DNMT1: variants seen among roughly 807,000 people sequenced by gnomAD.
DNMT1 encodes the protein DNA methyltransferase 1.
In DNMT1, 24 loss-of-function variants were observed where a neutral mutation model predicts 205.3. That is an observed-to-expected ratio of 0.12 (90% CI 0.08 to 0.16). The LOEUF is 0.16. Ranked by LOEUF, DNMT1 falls within the 10% of genes least tolerant of loss-of-function variation. The pLI, the probability that DNMT1 is intolerant of heterozygous loss-of-function variation, is 1.00. For synonymous variants in DNMT1, 817 were observed against 839.8 expected (o/e 0.97, Z 0.47); for missense variants, 1,293 against 2,177.7 (o/e 0.59, Z 8.09).
At chr19:10,152,028 G>GGT (rs1233224596) in intron 22 of DNMT1, among the ~76,000 whole-genome samples, 181 bp from the exon 23 acceptor site, 2 of 151,046 alleles carry the variant, frequency 1.3e-5, no homozygotes, top group Admixed American at 1.3e-4. Context: ...GGCATGGTAG[G>GGT]GTGTGCCTGT....
rs1031496422 is a variant in DNMT1, at chr19:10,133,970, G to A, written c.4864+247C>T. ...TTCACCGAGCAGGAGTGAGGGAAAC[G>A]GCCCCAGGGCCAGCCCAGCAGCCAA... On this transcript the variant is annotated intron_variant, in intron 40 of 40. Transcript: ENST00000359526. This position sits in a 1 kb window ranked among gnomAD's most constrained non-coding sequence, Gnocchi z 4.1. Among the ~76,000 whole-genome samples the A allele has an allele frequency of 4.6e-5, 7 of 152,336 alleles. No individual in the cohort carries two copies. Among genetic ancestry groups the A allele is most frequent in the East Asian group, 1.9e-4 (1 of 5,188 alleles).
intron 27 of DNMT1, among the ~76,000 whole-genome samples, chr19:10,147,783 G>T (rs951770456): frequency 6.6e-6 from 1 of 151,916 alleles, no homozygotes; most frequent in African/African-American, 2.4e-5. Context: ...AGTGAGGTAC[G>T]GAGGTTAAAA....
rs1481902524 is a variant in DNMT1, at chr19:10,138,357, C to A, written c.4115+82G>T. 6.2e-7 allele frequency: 1 copy of A among 1,602,850 alleles called. No homozygotes were observed. The highest frequency in any genetic ancestry group is 1.3e-5 in the African/African-American group (1 of 74,824). On this transcript the variant is annotated intron_variant, in intron 35 of 40. Transcript: ENST00000359526. The surrounding 1 kb of genome is among the most constrained non-coding windows in gnomAD (Gnocchi z 4.1). Reference sequence around the variant, plus strand: ...GCTGTACCATCCTCTCCTCCCCAAGCCTCACCAGGGAGTACTCACGGGCCC... The same window carrying A: ...GCTGTACCATCCTCTCCTCCCCAAGACTCACCAGGGAGTACTCACGGGCCC...
chr19:10,135,666 C>T (rs768622918), intron 39 of DNMT1, 70 bp downstream of exon 39: 4 of 1,535,532 alleles, frequency 2.6e-6, no homozygotes, highest in Middle Eastern at 2.1e-4. Flanking sequence ...TGCGCTGGCC[C>T]CAGCCCCACC....
At chr19:10,158,541 T>G (rs1394487026) in intron 17 of DNMT1, among the ~76,000 whole-genome samples, 1 of 152,158 alleles carries the variant, frequency 6.6e-6, no homozygotes, top group Non-Finnish European at 1.5e-5. Context: ...CTGAGGCATT[T>G]CCCACGAAGA....
chr19:10,182,107 A>T, intron 1 of DNMT1, 30 bp from the exon 2 acceptor site: 1 of 1,608,326 alleles, frequency 6.2e-7, no homozygotes, highest in Non-Finnish European at 8.5e-7. Flanking sequence ...GAGAAAATAC[A>T]AACACTTGTT....
Position 10,154,652 on chromosome 19 carries a change from T to C in DNMT1, c.1766A>G (p.Gln589Arg). 6.2e-7 allele frequency: 1 copy of C among 1,614,088 alleles called. No homozygotes were observed. Among genetic ancestry groups the C allele is most frequent in the Non-Finnish European group, 8.5e-7 (1 of 1,179,974 alleles). The change falls in exon 21 of 41, where the codon CAG (glutamine) becomes CGG (arginine). Residue 589 changes from glutamine (Q) to arginine (R), a missense_variant. Physicochemically the swap from Gln to Arg is conservative, Grantham distance 43 (BLOSUM62 1). Coordinates refer to ENST00000359526, the MANE Select transcript of DNMT1 (RefSeq NM_001130823.3). The surrounding 1 kb of genome is among the most constrained non-coding windows in gnomAD (Gnocchi z 6.3). ...SYDEAGDSDE[Q>R]PIFLTPCMRD... ...CATGCAGGGTGTCAGGAAGATGGGC[T>C]GCTCATCACTGTCCCCGGCCTCGTC...
At chr19:10,166,466 T>A in intron 11 of DNMT1, 132 bp downstream of exon 11, 1 of 1,082,768 alleles carries the variant, frequency 9.2e-7, no homozygotes, top group Non-Finnish European at 1.4e-6. Context: ...CTTCCCAGAG[T>A]CTGGATGGCC....
chr19:10,187,142 C>G (rs2039201977), intron 1 of DNMT1, among the ~76,000 whole-genome samples: 1 of 151,704 alleles, frequency 6.6e-6, no homozygotes, highest in African/African-American at 2.4e-5. Flanking sequence ...CCATCTTGTT[C>G]CATAGTTAAC....
intron 11 of DNMT1, among the ~76,000 whole-genome samples, chr19:10,164,137 T>C (rs2038636108): frequency 6.6e-6 from 1 of 152,152 alleles, no homozygotes; most frequent in Admixed American, 6.6e-5. Flanking sequence ...ATATATATGG[T>C]TAATATATAC....
In DNMT1 at chr19:10,194,843, C is replaced by A. The variant is rs1568265798; in HGVS notation, c.57G>T (p.Ser19=). The A allele has an allele frequency of 6.2e-7, 1 of 1,611,568 alleles. No homozygotes were observed. The highest frequency in any genetic ancestry group is 8.5e-7 in the Non-Finnish European group (1 of 1,179,218). Residue 19 remains serine, a synonymous_variant, in exon 1 of 41, where the codon TCG becomes TCT. Coordinates refer to ENST00000359526, the MANE Select transcript of DNMT1 (RefSeq NM_001130823.3). ...ACCGCCTGCGGACATCGTCGGGCAG[C>A]GAGATGGCCGGGACGGCCAGTGTGG... ...RVPTLAVPAI[S]LPDDVRRRLK...
Position 10,162,677 on chromosome 19 carries a change from T to G in DNMT1, c.998A>C (p.Glu333Ala), listed in dbSNP as rs781477930. ...VNPQISDEKD[E>A]DEKEEKRRKT... ...AAGTGAGACCTTTACCTTTTCATCC[T>G]CGTCTTTTTCATCAGAAATCTGTGG... Residue 333 changes from glutamate (E) to alanine (A), a missense_variant, in exon 13 of 41, where the codon GAG becomes GCG. Glu to Ala is a moderately radical substitution (Grantham distance 107, BLOSUM62 -1). Coordinates refer to ENST00000359526, the MANE Select transcript of DNMT1 (RefSeq NM_001130823.3). 1.2e-6 allele frequency: 2 copies of G among 1,610,028 alleles called. No homozygotes were observed. Among genetic ancestry groups the G allele is most frequent in the Non-Finnish European group, 1.7e-6 (2 of 1,177,758 alleles).
intron 1 of DNMT1, among the ~76,000 whole-genome samples, chr19:10,185,598 A>G (rs2039162550): frequency 6.6e-6 from 1 of 151,992 alleles, no homozygotes; most frequent in Admixed American, 6.6e-5. Context: ...AGGCCAAGGC[A>G]GGAGGATCAC....
intron 28 of DNMT1, among the ~76,000 whole-genome samples, chr19:10,145,556 G>C (rs955598598): frequency 6.6e-6 from 1 of 152,200 alleles, no homozygotes; most frequent in African/African-American, 2.4e-5. Context: ...GTGGCTTTAG[G>C]TTTTTCCTGG....
At chr19:10,175,031 G>A (rs1480170706) in intron 7 of DNMT1, among the ~76,000 whole-genome samples, 8 of 139,800 alleles carry the variant, frequency 5.7e-5, no homozygotes, top group African/African-American at 2.1e-4. Context: ...GCAAAACCCT[G>A]TCTCAAAAAA....
In DNMT1 at chr19:10,156,377, G is replaced by A. The variant is rs776500514; in HGVS notation, c.1399+14C>T. 19 of 1,591,078 alleles carry A rather than the reference G, an allele frequency of 1.2e-5. No homozygotes were observed. Among genetic ancestry groups the A allele is most frequent in the Middle Eastern group, 1.7e-4 (1 of 6,018 alleles). ...TAAAGTGTGCCCCAAACATAATCCC[G>A]GACTATTCCTTACCTTCAAGAGATG... On this transcript the variant is annotated intron_variant, in intron 18 of 40. Transcript: ENST00000359526. This position sits in a 1 kb window ranked among gnomAD's most constrained non-coding sequence, Gnocchi z 4.2.
At chr19:10,183,738 G>A (rs535652290) in intron 1 of DNMT1, among the ~76,000 whole-genome samples, 8 of 152,128 alleles carry the variant, frequency 5.3e-5, no homozygotes, top group South Asian at 4.2e-4. Flanking sequence ...TTAGCCAGGC[G>A]TGGTGGTGGG....
intron 1 of DNMT1, among the ~76,000 whole-genome samples, chr19:10,193,482 G>C (rs2039340811): frequency 6.7e-6 from 1 of 148,672 alleles, no homozygotes; most frequent in Non-Finnish European, 1.5e-5. Context: ...TCCCACCTTA[G>C]TCTGTTGAGT....
At chr19:10,155,566 T>C (rs1599367174) in intron 19 of DNMT1, among the ~76,000 whole-genome samples, 1 of 152,012 alleles carries the variant, frequency 6.6e-6, no homozygotes. Flanking sequence ...TGGTCTCGAA[T>C]TCCTGGCCTC....
Sources: gnomAD v4.1 joint callset for allele counts (sites outside exome capture counted in the v4.1 genomes callset) on GRCh38, gnomAD v4.1.1 for gene constraint, Gnocchi (gnomAD v3.1) non-coding constraint, MANE v1.5 for transcripts, NCBI Gene and HGNC (gene_info 2026-07-23, HGNC 2026-07-21) for gene names.